The following DPYD variants were observed in gnomAD, a reference collection of about 807,000 sequenced individuals.
The protein encoded by DPYD is dihydropyrimidine dehydrogenase.
In DPYD, 109 loss-of-function variants were observed where a neutral mutation model predicts 116.2. The ratio of observed to expected loss-of-function variants is 0.94; its 90% confidence interval spans 0.80 to 1.10. The LOEUF is 1.10. Among genes scored for constraint, DPYD ranks in the 50% least tolerant of loss-of-function variants. The pLI, the probability that DPYD is intolerant of heterozygous loss-of-function variation, is 0.00. For missense variants in DPYD, 1,302 were observed against 1,254.5 expected (o/e 1.04, Z -0.57); for synonymous variants, 440 against 432.0 (o/e 1.02, Z -0.23).
rs145567808 is a variant in DPYD, at chr1:97,495,266, TA to T, written c.1740+20459del. Among the ~76,000 whole-genome samples the T allele has an allele frequency of 2.9e-3, 438 of 152,178 alleles. 4 individuals carry two copies. The highest frequency in any genetic ancestry group is 0.01 in the African/African-American group (424 of 41,528). ...CAGGAGAGAGAGAGATGTCAAAACA[TA>T]CTTTGGGGAGATACAGTTGGATGAA... On this transcript the variant is annotated intron_variant, in intron 13 of 22. Transcript: ENST00000370192.
chr1:97,342,081 G>A (rs564564204), intron 16 of DPYD, among the ~76,000 whole-genome samples: 1 of 152,284 alleles, frequency 6.6e-6, no homozygotes, highest in African/African-American at 2.4e-5. Context: ...TTCTTCTTGA[G>A]TCAATGAATT....
chr1:97,519,387 G>C (rs1648474325), intron 12 of DPYD, among the ~76,000 whole-genome samples: 1 of 152,090 alleles, frequency 6.6e-6, no homozygotes, highest in African/African-American at 2.4e-5. Context: ...CAGGAGAACA[G>C]CACAGGAAAG....
At chr1:97,491,451 A>C (rs1678972819) in intron 13 of DPYD, among the ~76,000 whole-genome samples, 1 of 151,952 alleles carries the variant, frequency 6.6e-6, no homozygotes, top group Admixed American at 6.6e-5. Flanking sequence ...TATACTACGT[A>C]ACCATGAGGG....
At chr1:97,697,715 A>T (rs1225275247) in intron 6 of DPYD, among the ~76,000 whole-genome samples, 1 of 152,092 alleles carries the variant, frequency 6.6e-6, no homozygotes, top group Non-Finnish European at 1.5e-5. Flanking sequence ...TTTAAAAAAA[A>T]CAAGTTTAGT....
Position 97,406,255 on chromosome 1 carries a change from G to A in DPYD, c.1906-23794C>T, listed in dbSNP as rs548585987. Among the ~76,000 whole-genome samples the A allele has an allele frequency of 3.5e-5, 5 of 141,816 alleles. No homozygotes were observed. In the South Asian group the frequency reaches 1.1e-3, roughly 33 times the overall value. 93.0% of individuals were successfully genotyped at this position (141,816 alleles called of 152,430 possible). Reference sequence around the variant, plus strand: ...CATCTCTTACAATCTAAGAAGAGCTGTTGGTTTTTAGTCTCTTTAGCTTTT... The same window carrying A: ...CATCTCTTACAATCTAAGAAGAGCTATTGGTTTTTAGTCTCTTTAGCTTTT... On this transcript the variant is annotated intron_variant, in intron 14 of 22. Coordinates refer to ENST00000370192, the MANE Select transcript of DPYD (RefSeq NM_000110.4).
At position 97,380,957 on chromosome 1, in the gene DPYD, C is replaced by T. The variant is rs1241573816; in HGVS notation, c.1974+1436G>A. 2.6e-5 allele frequency among the ~76,000 whole-genome samples: 4 copies of T among 152,120 alleles called. 1 individual carries two copies. Among genetic ancestry groups the T allele is most frequent in the Admixed American group, 2.0e-4 (3 of 15,264 alleles). On this transcript the variant is annotated intron_variant, in intron 15 of 22. Coordinates refer to ENST00000370192, the MANE Select transcript of DPYD (RefSeq NM_000110.4). ...CCCTCCTAGAAGCTGTGAAGGCCTG[C>T]GGGATACTTCCTTCATATGATATCT... is the stretch of plus-strand genomic sequence containing the variant.
chr1:97,081,124 G>C (rs1649119601), intron 22 of DPYD, among the ~76,000 whole-genome samples: 1 of 114,470 alleles, frequency 8.7e-6, no homozygotes, highest in Non-Finnish European at 1.8e-5. Context: ...TGTGGAACTA[G>C]GAAGAAAAAT....
intron 8 of DPYD, among the ~76,000 whole-genome samples, chr1:97,656,335 A>G (rs1007312113): frequency 1.1e-4 from 17 of 152,126 alleles, no homozygotes; most frequent in Non-Finnish European, 1.0e-4. Flanking sequence ...TTACTGAACA[A>G]CAGAATTCTC....
chr1:97,092,256 G>A (rs889739961), intron 21 of DPYD, among the ~76,000 whole-genome samples: 1 of 152,176 alleles, frequency 6.6e-6, no homozygotes, highest in Non-Finnish European at 1.5e-5. Flanking sequence ...GCCAATGACT[G>A]CTATAGTACC....
At chr1:97,331,328 G>A (rs1668986631) in intron 16 of DPYD, among the ~76,000 whole-genome samples, 1 of 152,038 alleles carries the variant, frequency 6.6e-6, no homozygotes, top group African/African-American at 2.4e-5. Context: ...AAATTAAAAA[G>A]TTAGTCAGGC....
At position 97,546,893 on chromosome 1, in the gene DPYD, A is replaced by C. The variant is rs898552885; in HGVS notation, c.1524+2667T>G. The stretch of plus-strand genomic sequence containing the variant: ...GATACAGCAATAGAGGGGGATGAAG[A>C]CCAGGAGGACAGTGAGGGCTTTGAA... On this transcript the variant is annotated intron_variant, in intron 12 of 22. Transcript: ENST00000370192. 238 of 1,609,220 alleles carry C rather than the reference A, an allele frequency of 1.5e-4. 5 individuals are homozygous for C. In the East Asian group the frequency reaches 5.3e-3, roughly 36 times the overall value.
chr1:97,651,768 T>C (rs1187130926), intron 8 of DPYD, among the ~76,000 whole-genome samples: 1 of 152,192 alleles, frequency 6.6e-6, no homozygotes, highest in African/African-American at 2.4e-5. Context: ...ATAAATGCAG[T>C]CATAATAGGC....
chr1:97,581,073 A>G (rs1268438138), intron 10 of DPYD, among the ~76,000 whole-genome samples: 1 of 152,034 alleles, frequency 6.6e-6, no homozygotes, highest in Non-Finnish European at 1.5e-5. Flanking sequence ...TGGGAGGCCA[A>G]GGCAGGCAGA....
intron 14 of DPYD, among the ~76,000 whole-genome samples, chr1:97,443,033 G>A (rs1250726851): frequency 6.6e-6 from 1 of 152,170 alleles, no homozygotes; most frequent in Non-Finnish European, 1.5e-5. Flanking sequence ...GGGTCACACA[G>A]ATGAGGAATT....
chr1:97,348,763 A>G (rs1669983276), intron 16 of DPYD, among the ~76,000 whole-genome samples: 1 of 152,154 alleles, frequency 6.6e-6, no homozygotes, highest in Admixed American at 6.6e-5. Flanking sequence ...CTCTAGTAAC[A>G]GAGATAAGAG....
At chr1:97,594,933 A>G in intron 9 of DPYD, 126 bp downstream of exon 9, 1 of 660,588 alleles carries the variant, frequency 1.5e-6, no homozygotes, top group Non-Finnish European at 2.5e-6. Flanking sequence ...TTAATTTTAC[A>G]TTTGGGTCTT....
chr1:97,446,727 A>G (rs1676106084), intron 14 of DPYD, among the ~76,000 whole-genome samples: 1 of 152,088 alleles, frequency 6.6e-6, no homozygotes, highest in Non-Finnish European at 1.5e-5. Context: ...TGCAGCATGT[A>G]TTTTTTGTTA....
chr1:97,589,466 T>C (rs1342738964), intron 10 of DPYD, among the ~76,000 whole-genome samples: 1 of 152,208 alleles, frequency 6.6e-6, no homozygotes, highest in Non-Finnish European at 1.5e-5. Flanking sequence ...CCTGCCACCT[T>C]GTGAAGAAGG....
chr1:97,773,495 C>T (rs755093129), intron 3 of DPYD, among the ~76,000 whole-genome samples: 10 of 152,126 alleles, frequency 6.6e-5, no homozygotes, highest in Non-Finnish European at 1.2e-4. Context: ...TTTTCACGTC[C>T]GAATGTTCCA....
Sources: allele counts gnomAD v4.1 joint callset (sites outside exome capture counted in the v4.1 genomes callset), GRCh38; gene constraint gnomAD v4.1.1; transcripts MANE v1.5; gene names NCBI Gene and HGNC (gene_info 2026-07-23, HGNC 2026-07-21).